The following NR2F1-AS1 variants were observed in gnomAD, a reference collection of about 807,000 sequenced individuals.
NR2F1-AS1 encodes the protein NR2F1 antisense RNA 1.
chr5:93,528,190 C>T (rs993973029), intron 4 of NR2F1-AS1, among the ~76,000 whole-genome samples: 13 of 151,938 alleles, frequency 8.6e-5, no homozygotes, highest in African/African-American at 2.4e-4. Flanking sequence ...AGTGGGCAAA[C>T]GATATGAACA....
chr5:93,510,251 A>G (rs1751267975), intron 4 of NR2F1-AS1, among the ~76,000 whole-genome samples: 1 of 152,130 alleles, frequency 6.6e-6, no homozygotes, highest in Non-Finnish European at 1.5e-5. Context: ...TCATTCGTAC[A>G]GGCTGAACTA....
chr5:93,445,286 A>C (rs2149854381), intron 4 of NR2F1-AS1, among the ~76,000 whole-genome samples: 1 of 152,360 alleles, frequency 6.6e-6, no homozygotes, highest in African/African-American at 2.4e-5. Context: ...AGGATCAACA[A>C]AATTGATAGA....
intron 4 of NR2F1-AS1, chr5:93,423,135 A>C (rs2149843330): frequency 6.6e-6 from 1 of 152,554 alleles, no homozygotes. Context: ...GGAATCATGA[A>C]TGCCAGATGT....
At chr5:93,518,622 T>C (rs1421029822) in intron 4 of NR2F1-AS1, among the ~76,000 whole-genome samples, 1 of 152,134 alleles carries the variant, frequency 6.6e-6, no homozygotes, top group Admixed American at 6.6e-5. Context: ...TGGTAACAAT[T>C]ATATCTATGT....
intron 4 of NR2F1-AS1, among the ~76,000 whole-genome samples, chr5:93,506,140 T>A (rs1235085415): frequency 6.6e-6 from 1 of 152,178 alleles, no homozygotes; most frequent in Non-Finnish European, 1.5e-5. Flanking sequence ...CACAAATCTC[T>A]AGGGCAGGGG....
intron 2 of NR2F1-AS1, among the ~76,000 whole-genome samples, chr5:93,555,290 AT>A (rs1752329161): frequency 6.6e-6 from 1 of 152,224 alleles, no homozygotes; most frequent in African/African-American, 2.4e-5. Flanking sequence ...AATAAGTTTT[AT>A]AGAAAGTACT....
chr5:93,577,515 T>C (rs1465830674), intron 1 of NR2F1-AS1, among the ~76,000 whole-genome samples: 1 of 152,200 alleles, frequency 6.6e-6, no homozygotes, highest in Non-Finnish European at 1.5e-5. Flanking sequence ...GGTTCAGTCT[T>C]GGGGGTAAAG....
At chr5:93,465,606 C>A (rs1199081142) in intron 4 of NR2F1-AS1, among the ~76,000 whole-genome samples, 1 of 152,108 alleles carries the variant, frequency 6.6e-6, no homozygotes, top group Non-Finnish European at 1.5e-5. Flanking sequence ...AATCATGCTG[C>A]TATAAAGACA....
chr5:93,572,639 ACCAGCG>A (rs1752799144), intron 1 of NR2F1-AS1, among the ~76,000 whole-genome samples: 1 of 152,116 alleles, frequency 6.6e-6, no homozygotes, highest in Non-Finnish European at 1.5e-5. Context: ...TACAAACACC[ACCAGCG>A]CCGTTATTCC....
At chr5:93,526,208 T>A (rs1393299890) in intron 4 of NR2F1-AS1, among the ~76,000 whole-genome samples, 3 of 152,084 alleles carry the variant, frequency 2.0e-5, no homozygotes, top group African/African-American at 7.2e-5. Context: ...CAGACTACCA[T>A]CAGAATGCTA....
intron 4 of NR2F1-AS1, among the ~76,000 whole-genome samples, chr5:93,496,583 A>G (rs960002953): frequency 1.1e-4 from 16 of 152,336 alleles, no homozygotes; most frequent in Admixed American, 1.0e-3. Context: ...TAAACAAATA[A>G]ACATGTTTTC....
chr5:93,512,597 C>T (rs1751322118), intron 4 of NR2F1-AS1, among the ~76,000 whole-genome samples: 1 of 152,070 alleles, frequency 6.6e-6, no homozygotes, highest in Non-Finnish European at 1.5e-5. Flanking sequence ...ATTCACTCAC[C>T]ACTCACTCAC....
intron 1 of NR2F1-AS1, among the ~76,000 whole-genome samples, chr5:93,574,883 TC>T (rs1299601935): frequency 1.3e-5 from 2 of 152,134 alleles, no homozygotes. Context: ...GCTCCTATGC[TC>T]CTATTCACTA....
chr5:93,511,170 G>A (rs561375443), intron 4 of NR2F1-AS1, among the ~76,000 whole-genome samples: 1 of 152,154 alleles, frequency 6.6e-6, no homozygotes, highest in Non-Finnish European at 1.5e-5. Context: ...ATTAGCATTT[G>A]AATCAGTAGA....
At chr5:93,456,739 G>A (rs531365508) in intron 4 of NR2F1-AS1, among the ~76,000 whole-genome samples, 2 of 152,016 alleles carry the variant, frequency 1.3e-5, no homozygotes, top group South Asian at 4.1e-4. Context: ...GCCGGCACCG[G>A]TCTCTGAGTT....
upstream of NR2F1-AS1, among the ~76,000 whole-genome samples, chr5:93,582,158 C>T (rs1383744241): frequency 7.3e-6 from 1 of 137,352 alleles, no homozygotes; most frequent in Admixed American, 7.6e-5. Context: ...TGCTCTTTTC[C>T]CGGGACTGAC....
intron 4 of NR2F1-AS1, among the ~76,000 whole-genome samples, chr5:93,537,355 AG>A (rs1751860545): frequency 6.6e-6 from 1 of 152,182 alleles, no homozygotes; most frequent in Non-Finnish European, 1.5e-5. Context: ...CAATTAACAG[AG>A]TGAAGAAACA....
intron 4 of NR2F1-AS1, among the ~76,000 whole-genome samples, chr5:93,502,871 G>A (rs1252398327): frequency 6.6e-6 from 1 of 152,116 alleles, no homozygotes; most frequent in Non-Finnish European, 1.5e-5. Context: ...AAAAAAACTA[G>A]GGGCTGGACA....
At chr5:93,501,149 T>C (rs892428400) in intron 4 of NR2F1-AS1, among the ~76,000 whole-genome samples, 1 of 152,084 alleles carries the variant, frequency 6.6e-6, no homozygotes, top group African/African-American at 2.4e-5. Flanking sequence ...AAGATGTCAG[T>C]GGAAGAAATA....
Sources: gnomAD v4.1 joint callset for allele counts (sites outside exome capture counted in the v4.1 genomes callset) on GRCh38, gnomAD v4.1.1 for gene constraint, MANE v1.5 for transcripts, NCBI Gene and HGNC (gene_info 2026-07-23, HGNC 2026-07-21) for gene names.